Variants in PPP2R1A observed in about 807,000 individuals in gnomAD.
The protein encoded by PPP2R1A is serine/threonine-protein phosphatase 2A 65 kDa regulatory subunit A alpha isoform.
PPP2R1A carries 15 observed loss-of-function variants against 67.1 expected under a neutral mutation model. The ratio of observed to expected loss-of-function variants is 0.22; its 90% confidence interval spans 0.15 to 0.34. The LOEUF (loss-of-function observed/expected upper bound fraction) is 0.34. Among genes scored for constraint, PPP2R1A ranks in the 10% least tolerant of loss-of-function variants. PPP2R1A has a pLI of 1.00. For missense variants in PPP2R1A, 369 were observed against 775.0 expected (o/e 0.48, Z 6.22); for synonymous variants, 337 against 325.0 (o/e 1.04, Z -0.40).
intron 2 of PPP2R1A, among the ~76,000 whole-genome samples, chr19:52,204,675 G>A (rs2089584662): frequency 6.6e-6 from 1 of 152,182 alleles, no homozygotes; most frequent in Non-Finnish European, 1.5e-5. Flanking sequence ...AGGGAGGGTG[G>A]TTTTAACTGT....
Position 52,212,495 on chromosome 19 carries a change from C to A in PPP2R1A, c.504-191C>A. On this transcript the variant is annotated intron_variant, in intron 4 of 14. Transcript: ENST00000322088. The surrounding 1 kb of genome is among the most constrained non-coding windows in gnomAD (Gnocchi z 4.1). ...CTCACACACACTATTTTCATTTAAA[C>A]CTCATGCGGACCTGTGGGGTAGGTA... is the stretch of plus-strand genomic sequence containing the variant. 4 of 623,016 alleles carry A rather than the reference C, an allele frequency of 6.4e-6. No homozygotes were observed. Among genetic ancestry groups the A allele is most frequent in the South Asian group, 2.0e-5 (1 of 49,754 alleles). 38.6% of individuals were successfully genotyped at this position (623,016 alleles called of 1,614,324 possible).
chr19:52,204,705 A>C (rs2089584902), intron 2 of PPP2R1A, among the ~76,000 whole-genome samples: 1 of 152,194 alleles, frequency 6.6e-6, no homozygotes, highest in South Asian at 2.1e-4. Context: ...GAGCCAGGGA[A>C]ACTGAGGCTG....
Position 52,220,211 on chromosome 19 carries a change from A to C in PPP2R1A, c.1325A>C (p.Lys442Thr). ...TAGGGAGTGGAGTTCTTTGATGAGA[A>C]ACTTAACTCCTTGTGCATGGCCTGG... Reference protein sequence around the residue: ...GQLGVEFFDEKLNSLCMAWLV... With the variant: ...GQLGVEFFDETLNSLCMAWLV... Residue 442 changes from lysine (K) to threonine (T), a missense_variant, in exon 11 of 15, where the codon AAA becomes ACA. Physicochemically the swap from Lys to Thr is moderately conservative, Grantham distance 78 (BLOSUM62 -1). This residue lies in a region of PPP2R1A where 276 missense variants were observed against 508.4 expected (regional missense o/e 0.54). Transcript: ENST00000322088. 1 of 1,613,994 alleles carries C rather than the reference A, an allele frequency of 6.2e-7. No individual in the cohort carries two copies. Among genetic ancestry groups the C allele is most frequent in the Non-Finnish European group, 8.5e-7 (1 of 1,179,986 alleles).
chr19:52,208,256 C>T (rs1011660921), intron 3 of PPP2R1A, among the ~76,000 whole-genome samples: 4 of 152,078 alleles, frequency 2.6e-5, no homozygotes, highest in African/African-American at 9.7e-5. Flanking sequence ...GCAACCTCTG[C>T]CTCCCAGGTT....
intron 14 of PPP2R1A, 52 bp from the exon 15 acceptor site, chr19:52,225,913 T>G: frequency 1.9e-6 from 3 of 1,614,168 alleles, no homozygotes; most frequent in Non-Finnish European, 2.5e-6. Context: ...CTTGGCATTG[T>G]GGGCAGAGAG....
intron 3 of PPP2R1A, among the ~76,000 whole-genome samples, chr19:52,210,948 C>G (rs980885488): frequency 2.0e-5 from 3 of 152,176 alleles, no homozygotes; most frequent in Admixed American, 1.3e-4. Context: ...AGGCTAAGAA[C>G]TTTCTCCTCA....
Position 52,213,009 on chromosome 19 carries a change from C to T in PPP2R1A, c.706C>T (p.Pro236Ser), listed in dbSNP as rs2122338023. 6.2e-7 allele frequency: 1 copy of T among 1,612,084 alleles called. No homozygotes were observed. Among genetic ancestry groups the T allele is most frequent in the Non-Finnish European group, 8.5e-7 (1 of 1,179,462 alleles). The change falls in exon 6 of 15, where the codon CCC becomes TCC. Residue 236 changes from proline to serine, a missense_variant. By Grantham distance (74) the Pro-to-Ser change is moderately conservative. This residue lies in a region of PPP2R1A where 276 missense variants were observed against 508.4 expected (regional missense o/e 0.54). Coordinates refer to ENST00000322088, the MANE Select transcript of PPP2R1A (RefSeq NM_014225.6). This position sits in a 1 kb window ranked among gnomAD's most constrained non-coding sequence, Gnocchi z 4.2. ...GTGCGTGAACATCGCCCAGCTTCTG[C>T]CCCAGGAGGATCTGGAGGCCCTGGT... The part of the protein sequence containing the change: ...EACVNIAQLL[P>S]QEDLEALVMP...
intron 13 of PPP2R1A, 142 bp downstream of exon 13, chr19:52,222,383 A>G: frequency 7.9e-7 from 1 of 1,264,490 alleles, no homozygotes; most frequent in East Asian, 2.7e-5. Flanking sequence ...TTCCCTTCTC[A>G]AGGTGTGTTT....
rs1032758166 is a variant in PPP2R1A at position 52,212,224 on chromosome 19, C to T, written c.504-462C>T. Reference sequence around the variant, plus strand: ...CCTTAGCCTCTCAAATAGCTGGGACCACAGGTGTGCAACACCACGCTGGGC... The same window carrying T: ...CCTTAGCCTCTCAAATAGCTGGGACTACAGGTGTGCAACACCACGCTGGGC... On this transcript the variant is annotated intron_variant, in intron 4 of 14. Coordinates refer to ENST00000322088, the MANE Select transcript of PPP2R1A (RefSeq NM_014225.6). This position sits in a 1 kb window ranked among gnomAD's most constrained non-coding sequence, Gnocchi z 4.1. Among the ~76,000 whole-genome samples the T allele has an allele frequency of 6.6e-6, 1 of 151,912 alleles. No homozygotes were observed. The highest frequency in any genetic ancestry group is 2.4e-5 in the African/African-American group (1 of 41,342).
chr19:52,215,883 C>G lies in PPP2R1A; in HGVS notation c.912C>G (p.His304Gln), dbSNP rs1183227285. 6.2e-7 allele frequency: 1 copy of G among 1,614,052 alleles called. No individual in the cohort carries two copies. Among genetic ancestry groups the G allele is most frequent in the Non-Finnish European group, 8.5e-7 (1 of 1,179,934 alleles). Reference sequence around the variant, plus strand: ...CCGAGGTGAGGGCCGCAGCCTCCCACAAGGTCAAAGGTTGGTGCTGGCAGC... The same window carrying G: ...CCGAGGTGAGGGCCGCAGCCTCCCAGAAGGTCAAAGGTTGGTGCTGGCAGC... ...CEAEVRAAAS[H>Q]KVKEFCENLS... The change falls in exon 7 of 15, where the codon CAC (histidine) becomes CAG (glutamine). Residue 304 changes from histidine (H) to glutamine (Q), a missense_variant. Transcript: ENST00000322088.
chr19:52,225,675 C>G (rs1979209775), intron 13 of PPP2R1A, 42 bp from the exon 14 acceptor site: 1 of 1,586,916 alleles, frequency 6.3e-7, no homozygotes. Context: ...CCCAGTCCAT[C>G]CTGGCTCACC....
chr19:52,220,947 T>C, intron 11 of PPP2R1A, 32 bp from the exon 12 acceptor site: 1 of 1,612,380 alleles, frequency 6.2e-7, no homozygotes, highest in Non-Finnish European at 8.5e-7. Flanking sequence ...CACCTCCAAA[T>C]CCCTGTCTCT....
In PPP2R1A at chr19:52,216,688, T is replaced by C; in HGVS notation, c.1128+25T>C. On this transcript the variant is annotated intron_variant, in intron 9 of 14. Coordinates refer to ENST00000322088, the MANE Select transcript of PPP2R1A (RefSeq NM_014225.6). This position sits in a 1 kb window ranked among gnomAD's most constrained non-coding sequence, Gnocchi z 4.3. ...GGTAAGGGCACCAGGATCTCAGCTC[T>C]GGGTTTGTGGAGGGGACAGGCGGGT... 4 of 1,614,096 alleles carry C rather than the reference T, an allele frequency of 2.5e-6. No individual in the cohort carries two copies. Among genetic ancestry groups the C allele is most frequent in the Non-Finnish European group, 3.4e-6 (4 of 1,179,992 alleles).
chr19:52,223,159 C>G (rs1453998169), intron 13 of PPP2R1A, among the ~76,000 whole-genome samples: 1 of 152,146 alleles, frequency 6.6e-6, no homozygotes, highest in Non-Finnish European at 1.5e-5. Context: ...CTCTGCAGTT[C>G]AGTGGAGAAA....
At chr19:52,204,884 G>C (rs1384899668) in intron 2 of PPP2R1A, among the ~76,000 whole-genome samples, 2 of 152,218 alleles carry the variant, frequency 1.3e-5, no homozygotes, top group Non-Finnish European at 2.9e-5. Flanking sequence ...GAACAGCCCT[G>C]TGGTGATTTA....
chr19:52,206,976 A>G (rs1600164203), intron 3 of PPP2R1A, among the ~76,000 whole-genome samples: 1 of 152,232 alleles, frequency 6.6e-6, no homozygotes, highest in Non-Finnish European at 1.5e-5. Flanking sequence ...CTAGTGGTGT[A>G]TAAAGAATGG....
rs540107816 is a variant in PPP2R1A at position 52,227,046 on chromosome 19, G to A, written c.*1065G>A. On this transcript the variant is annotated 3_prime_UTR_variant, in exon 15 of 15. Transcript: ENST00000322088. ...TGTGGCAAGATAGATCAGTTATCTCGGTATCTATTCTCCCCTTCCTAATGT... is the reference window on the plus strand; with the variant it reads ...TGTGGCAAGATAGATCAGTTATCTCAGTATCTATTCTCCCCTTCCTAATGT... The A allele has an allele frequency of 6.6e-6, 1 of 152,160 alleles. No homozygotes were observed. Among genetic ancestry groups the A allele is most frequent in the African/African-American group, 2.4e-5 (1 of 41,500 alleles). The allele number at this position is 152,160 out of a possible 1,614,324, so 9.4% of individuals were successfully genotyped here.
At chr19:52,224,076 C>T (rs1600174849) in intron 13 of PPP2R1A, among the ~76,000 whole-genome samples, 1 of 152,128 alleles carries the variant, frequency 6.6e-6, no homozygotes, top group African/African-American at 2.4e-5. Flanking sequence ...CTCACAGATA[C>T]CATGTTGAGT....
intron 6 of PPP2R1A, 36 bp from the exon 7 acceptor site, chr19:52,215,743 C>G (rs1373128957): frequency 6.4e-7 from 1 of 1,569,122 alleles, no homozygotes; most frequent in Non-Finnish European, 8.8e-7. Flanking sequence ...AACTGCCAGC[C>G]CCTCTCACTC....
Sources: allele counts gnomAD v4.1 joint callset (sites outside exome capture counted in the v4.1 genomes callset), GRCh38; gene constraint gnomAD v4.1.1; regional missense constraint gnomAD v4.1.1; non-coding constraint Gnocchi (gnomAD v3.1); transcripts MANE v1.5; gene names NCBI Gene and HGNC (gene_info 2026-07-23, HGNC 2026-07-21).